The following HOXD3 variants were observed in gnomAD, a reference collection of about 807,000 sequenced individuals.
The protein encoded by HOXD3 is homeobox D3.
HOXD3 carries 13 observed loss-of-function variants against 32.8 expected under a neutral mutation model. The ratio of observed to expected loss-of-function variants is 0.40; its 90% CI spans 0.26 to 0.63. The LOEUF (loss-of-function observed/expected upper bound fraction) is 0.63. Ranked by LOEUF, HOXD3 falls within the 20% of genes least tolerant of loss-of-function variation. The pLI, the probability that HOXD3 is intolerant of heterozygous loss-of-function variation, is 0.44. For missense variants in HOXD3, 504 were observed against 577.1 expected (o/e 0.87, Z 1.30); for synonymous variants, 241 against 246.8 (o/e 0.98, Z 0.22).
rs1691093220 is a variant in HOXD3, at chr2:176,169,214, T to A, written c.100T>A (p.Tyr34Asn). ...CCCAGGACTGTTTGGAGGCTATGGC[T>A]ACAGCAAAACTACGGACACTTACGG... is the stretch of plus-strand genomic sequence containing the variant. ...ENPGLFGGYG[Y>N]SKTTDTYGYS... is the part of the protein sequence containing the mutation. Residue 34 changes from tyrosine to asparagine, a missense_variant, in exon 3 of 4, where the codon TAC (tyrosine) becomes AAC (asparagine). Physicochemically the swap from Tyr to Asn is moderately radical, Grantham distance 143. Coordinates refer to ENST00000683222, the MANE Select transcript of HOXD3 (RefSeq NM_006898.5). 2 of 1,614,100 alleles carry A rather than the reference T, an allele frequency of 1.2e-6. No homozygotes were observed. Among genetic ancestry groups the A allele is most frequent in the South Asian group, 2.2e-5 (2 of 91,078 alleles).
At chr2:176,164,700 C>A (rs1690907704) in intron 2 of HOXD3, 4 of 152,162 alleles carry the variant, frequency 2.6e-5, no homozygotes, top group Admixed American at 2.6e-4. Context: ...GAGACCAGCT[C>A]GAGCACTAGC....
In HOXD3 at chr2:176,171,637, G is replaced by C; in HGVS notation, c.662G>C (p.Arg221Pro). The change falls in exon 4 of 4, where the codon CGG (arginine) becomes CCG (proline). Residue 221 changes from arginine to proline, a missense_variant. By Grantham distance (103) the Arg-to-Pro change is moderately radical. Coordinates refer to ENST00000683222, the MANE Select transcript of HOXD3 (RefSeq NM_006898.5). ...TTCCACTTCAACCGCTACTTGTGCC[G>C]GCCGCGCCGCGTGGAGATGGCCAAC... The part of the protein sequence containing the change: ...KEFHFNRYLC[R>P]PRRVEMANLL... The C allele has an allele frequency of 6.2e-7, 1 of 1,614,230 alleles. No individual in the cohort carries two copies. Among genetic ancestry groups the C allele is most frequent in the Non-Finnish European group, 8.5e-7 (1 of 1,180,036 alleles).
Position 176,171,549 on chromosome 2 carries a change from C to A in HOXD3, c.574C>A (p.Pro192Thr). The change falls in exon 4 of 4, where the codon CCA becomes ACA. Residue 192 changes from proline (P) to threonine (T), a missense_variant. Pro to Thr is a conservative substitution (Grantham distance 38, BLOSUM62 -1). Transcript: ENST00000683222. ...ESCEDKSPPG[P>T]ASKRVRTAYT... is the part of the protein sequence containing the mutation. Reference sequence around the variant, plus strand: ...CTGCGAGGACAAGAGCCCGCCAGGCCCAGCATCCAAGCGGGTACGCACGGC... The same window carrying A: ...CTGCGAGGACAAGAGCCCGCCAGGCACAGCATCCAAGCGGGTACGCACGGC... The A allele has an allele frequency of 6.2e-7, 1 of 1,602,024 alleles. No individual in the cohort carries two copies. The highest frequency in any genetic ancestry group is 8.5e-7 in the Non-Finnish European group (1 of 1,173,040).
In HOXD3 at chr2:176,172,448, C is replaced by G; in HGVS notation, c.*174C>G. On this transcript the variant is annotated 3_prime_UTR_variant, in exon 4 of 4. Coordinates refer to ENST00000683222, the MANE Select transcript of HOXD3 (RefSeq NM_006898.5). The stretch of plus-strand genomic sequence containing the variant: ...GGCGCAGGCGACCGGGCCTCCCCTC[C>G]ATGGGCGTCCTTTGGGTGACTCGCC... The G allele has an allele frequency of 1.7e-6, 1 of 599,832 alleles. No individual in the cohort carries two copies. Among genetic ancestry groups the G allele is most frequent in the Non-Finnish European group, 2.9e-6 (1 of 346,256 alleles). 37.2% of individuals were successfully genotyped at this position (599,832 alleles called of 1,614,324 possible). A position where few individuals can be genotyped will look rare whatever the true frequency, so the allele number is the denominator to read the frequency against.
Position 176,172,383 on chromosome 2 carries a change from C to T in HOXD3, c.*109C>T, listed in dbSNP as rs75081700. The T allele has an allele frequency of 3.3e-3, 3,645 of 1,103,238 alleles. 87 individuals are homozygous for T. In the African/African-American group the frequency reaches 0.053, roughly 16 times the overall value. The allele number at this position is 1,103,238 out of a possible 1,614,324, so 68.3% of individuals were successfully genotyped here. On this transcript the variant is annotated 3_prime_UTR_variant, in exon 4 of 4. Transcript: ENST00000683222. ...CGGGAACCCCCTTCCCCGCTCTTGC[C>T]CTGCCGCCGCCTCCCGGGTCTCAGG... is the stretch of plus-strand genomic sequence containing the variant.
At position 176,172,576 on chromosome 2, in the gene HOXD3, A is replaced by C; in HGVS notation, c.*302A>C. On this transcript the variant is annotated 3_prime_UTR_variant, in exon 4 of 4. Coordinates refer to ENST00000683222, the MANE Select transcript of HOXD3 (RefSeq NM_006898.5). ...ATGGTGTCCCAAAGGTAAGTCTGAG[A>C]CCCATCAGCGGCGCGCCCTGCAGAG... 2.5e-6 allele frequency: 1 copy of C among 402,740 alleles called. No individual in the cohort carries two copies. The highest frequency in any genetic ancestry group is 2.0e-5 in the African/African-American group (1 of 49,286). The allele number at this position is 402,740 out of a possible 1,614,324, so 24.9% of individuals were successfully genotyped here. A position where few individuals can be genotyped will look rare whatever the true frequency, so the allele number is the denominator to read the frequency against.
intron 2 of HOXD3, chr2:176,165,426 G>A (rs941940207): frequency 9.8e-5 from 15 of 152,312 alleles, no homozygotes; most frequent in African/African-American, 3.6e-4. Context: ...GCGGGCCGGC[G>A]GGCCCGGGGA....
At chr2:176,168,404 T>A (rs1259578580) in intron 2 of HOXD3, among the ~76,000 whole-genome samples, 1 of 151,982 alleles carries the variant, frequency 6.6e-6, no homozygotes, top group East Asian at 1.9e-4. Context: ...CTGTCTCTAC[T>A]AAAAATATAA....
At position 176,172,442 on chromosome 2, in the gene HOXD3, C is replaced by T. The variant is rs1691229258; in HGVS notation, c.*168C>T. The T allele has an allele frequency of 1.6e-6, 1 of 622,926 alleles. No individual in the cohort carries two copies. 38.6% of individuals were successfully genotyped at this position (622,926 alleles called of 1,614,324 possible). A position where few individuals can be genotyped will look rare whatever the true frequency, so the allele number is the denominator to read the frequency against. The stretch of plus-strand genomic sequence containing the variant: ...GGCGGAGGCGCAGGCGACCGGGCCT[C>T]CCCTCCATGGGCGTCCTTTGGGTGA... On this transcript the variant is annotated 3_prime_UTR_variant, in exon 4 of 4. Coordinates refer to ENST00000683222, the MANE Select transcript of HOXD3 (RefSeq NM_006898.5).
At chr2:176,162,197 G>T (rs1690830429) in intron 1 of HOXD3, among the ~76,000 whole-genome samples, 1 of 152,250 alleles carries the variant, frequency 6.6e-6, no homozygotes, top group African/African-American at 2.4e-5. Flanking sequence ...AAAGTCGCTG[G>T]ACATTTTTCT....
upstream of HOXD3, chr2:176,152,539 C>T: frequency 9.7e-6 from 13 of 1,333,798 alleles, 1 homozygote; most frequent in Non-Finnish European, 1.3e-5. This position sits in a 1 kb window ranked among gnomAD's most constrained non-coding sequence, Gnocchi z 5.2. Context: ...AGGAAGTGAG[C>T]GGCGGAGGCG....
intron 1 of HOXD3, among the ~76,000 whole-genome samples, chr2:176,158,013 G>A (rs1343478454): frequency 6.6e-6 from 1 of 152,138 alleles, no homozygotes; most frequent in East Asian, 1.9e-4. Flanking sequence ...CTATAAAATC[G>A]AGTTGAAATT....
chr2:176,156,252 C>A (rs980166117), upstream of HOXD3, among the ~76,000 whole-genome samples: 2 of 152,166 alleles, frequency 1.3e-5, no homozygotes, highest in Non-Finnish European at 1.5e-5. Flanking sequence ...TTATTACCAC[C>A]TCCTTAATGT....
upstream of HOXD3, among the ~76,000 whole-genome samples, chr2:176,157,134 C>G (rs1427111021): frequency 6.6e-6 from 1 of 152,168 alleles, no homozygotes; most frequent in Admixed American, 6.5e-5. Context: ...TTGGGGAGCC[C>G]TCCCTGCCCC....
upstream of HOXD3, chr2:176,153,088 C>T (rs1690577752): frequency 8.7e-6 from 4 of 459,140 alleles, no homozygotes; most frequent in Admixed American, 6.3e-5. Flanking sequence ...ACTAGGTTAG[C>T]ATCCTGCCCG....
At chr2:176,157,997 AG>A (rs560775756) in intron 1 of HOXD3, among the ~76,000 whole-genome samples, 43 of 152,316 alleles carry the variant, frequency 2.8e-4, no homozygotes, top group African/African-American at 9.9e-4. Context: ...GCGTCATAAT[AG>A]AAGGCTATAA....
intron 1 of HOXD3, among the ~76,000 whole-genome samples, chr2:176,158,859 C>T (rs114946725): frequency 0.024 from 3,548 of 147,410 alleles, 54 homozygotes; most frequent in Middle Eastern, 0.044. Flanking sequence ...TAGATATCCC[C>T]TTGTAGGCCC....
Position 176,172,322 on chromosome 2 carries a change from A to G in HOXD3, c.*48A>G, listed in dbSNP as rs1691224487. On this transcript the variant is annotated 3_prime_UTR_variant, in exon 4 of 4. Coordinates refer to ENST00000683222, the MANE Select transcript of HOXD3 (RefSeq NM_006898.5). ...GCGGCAAAATTACCTCTCTTGCTGT[A>G]GTGGTGGGGTAGAGGGTGGGGCCCG... is the stretch of plus-strand genomic sequence containing the variant. 3.3e-6 allele frequency: 5 copies of G among 1,533,440 alleles called. No homozygotes were observed. Among genetic ancestry groups the G allele is most frequent in the Admixed American group, 1.8e-5 (1 of 55,282 alleles). 95.0% of individuals were successfully genotyped at this position (1,533,440 alleles called of 1,614,324 possible).
intron 1 of HOXD3, among the ~76,000 whole-genome samples, chr2:176,162,919 T>C (rs1690852417): frequency 1.3e-5 from 2 of 152,118 alleles, no homozygotes; most frequent in South Asian, 4.1e-4. Context: ...CCCACGTGAA[T>C]GTATTATATA....
Sources: gnomAD v4.1 joint callset for allele counts (sites outside exome capture counted in the v4.1 genomes callset) on GRCh38, gnomAD v4.1.1 for gene constraint, Gnocchi (gnomAD v3.1) non-coding constraint, MANE v1.5 for transcripts, NCBI Gene and HGNC (gene_info 2026-07-23, HGNC 2026-07-21) for gene names.